CACNB2: variants seen among roughly 807,000 people sequenced by gnomAD.
CACNB2 encodes the protein calcium voltage-gated channel auxiliary subunit beta 2.
Under a neutral mutation model 73.3 loss-of-function variants are expected in CACNB2, and 42 were observed. The observed-to-expected ratio is 0.57, with a 90% CI of 0.45 to 0.74. The LOEUF (loss-of-function observed/expected upper bound fraction) is 0.74, where lower values mean the gene tolerates loss of function less well. Among genes scored for constraint, CACNB2 ranks in the 30% least tolerant of loss-of-function variants. The pLI is 0.00. For missense variants in CACNB2, 940 were observed against 853.0 expected, an observed-to-expected ratio of 1.10 and a Z score of -1.27; for synonymous variants, 348 against 310.3, an observed-to-expected ratio of 1.12 and a Z score of -1.28.
chr10:18,499,567 A>G (rs369853402), intron 4 of CACNB2, among the ~76,000 whole-genome samples: 3 of 139,232 alleles, frequency 2.2e-5, no homozygotes, highest in African/African-American at 8.0e-5. Flanking sequence ...GTGAGCCGAG[A>G]TTGCGCCACT....
intron 2 of CACNB2, among the ~76,000 whole-genome samples, chr10:18,164,273 C>A (rs916730903): frequency 3.3e-5 from 5 of 152,140 alleles, no homozygotes; most frequent in Non-Finnish European, 7.3e-5. Context: ...CCCTTTGAAC[C>A]AGTGCCACTG....
intron 2 of CACNB2, among the ~76,000 whole-genome samples, chr10:18,180,146 G>T (rs999361114): frequency 2.0e-5 from 3 of 152,116 alleles, no homozygotes; most frequent in Non-Finnish European, 4.4e-5. Context: ...AAACCTACTA[G>T]CCTCATTTGC....
intron 2 of CACNB2, among the ~76,000 whole-genome samples, chr10:18,222,048 A>C (rs2131399132): frequency 6.6e-6 from 1 of 152,344 alleles, no homozygotes; most frequent in South Asian, 2.1e-4. Context: ...CAGTGATATC[A>C]GTAGTTGCTA....
chr10:18,407,100 C>CTGT, intron 3 of CACNB2, among the ~76,000 whole-genome samples: 1 of 133,708 alleles, frequency 7.5e-6, no homozygotes, highest in Middle Eastern at 3.7e-3. Context: ...TCCAGACCTG[C>CTGT]TGTTCTGTCT....
intron 2 of CACNB2, among the ~76,000 whole-genome samples, chr10:18,212,437 G>A (rs916465099): frequency 1.3e-5 from 2 of 151,972 alleles, no homozygotes; most frequent in African/African-American, 4.8e-5. Context: ...AGTTTTATGT[G>A]TTGCAAATAT....
intron 2 of CACNB2, among the ~76,000 whole-genome samples, chr10:18,239,060 A>G (rs900734912): frequency 2.6e-5 from 4 of 152,194 alleles, no homozygotes; most frequent in Non-Finnish European, 1.5e-5. Context: ...CAGTGGGGGC[A>G]GTATTCTTTA....
At chr10:18,498,156 A>T (rs2049950337) in intron 3 of CACNB2, among the ~76,000 whole-genome samples, 199 bp from the exon 4 acceptor site, 1 of 152,230 alleles carries the variant, frequency 6.6e-6, no homozygotes, top group South Asian at 2.1e-4. Flanking sequence ...TAGTTCAGAA[A>T]TGGGTGTTAT....
intron 2 of CACNB2, among the ~76,000 whole-genome samples, chr10:18,203,591 C>A (rs936308774): frequency 6.6e-6 from 1 of 152,120 alleles, no homozygotes; most frequent in Non-Finnish European, 1.5e-5. Flanking sequence ...AACACCCACA[C>A]GTACATACAT....
chr10:18,162,387 A>G (rs960337383), intron 2 of CACNB2, among the ~76,000 whole-genome samples: 1 of 152,208 alleles, frequency 6.6e-6, no homozygotes, highest in Non-Finnish European at 1.5e-5. Context: ...GTCAGGAAAA[A>G]AAAAAATCGA....
intron 10 of CACNB2, 78 bp downstream of exon 10, chr10:18,527,775 T>C (rs2052625482): frequency 3.3e-6 from 3 of 908,274 alleles, no homozygotes; most frequent in South Asian, 2.7e-5. Flanking sequence ...AACAAGATGA[T>C]AATTCCATGT....
intron 2 of CACNB2, among the ~76,000 whole-genome samples, chr10:18,201,807 A>G (rs2034894465): frequency 6.6e-6 from 1 of 152,152 alleles, no homozygotes; most frequent in Non-Finnish European, 1.5e-5. Flanking sequence ...ACCAGAATGT[A>G]TTCCTCTCAT....
chr10:18,371,395 C>T (rs994485359), intron 2 of CACNB2, among the ~76,000 whole-genome samples: 2 of 152,048 alleles, frequency 1.3e-5, no homozygotes, highest in African/African-American at 2.4e-5. Context: ...GTGTGATGTT[C>T]CCCTTCCTGT....
intron 2 of CACNB2, among the ~76,000 whole-genome samples, chr10:18,227,955 G>C (rs1051413226): frequency 1.3e-5 from 2 of 152,160 alleles, no homozygotes; most frequent in Admixed American, 6.5e-5. Flanking sequence ...AGAGTGAGAA[G>C]ATGCTAGTGC....
At chr10:18,434,193 T>C (rs924180224) in intron 3 of CACNB2, among the ~76,000 whole-genome samples, 7 of 152,196 alleles carry the variant, frequency 4.6e-5, no homozygotes, top group Non-Finnish European at 8.8e-5. Flanking sequence ...TATGGTATGA[T>C]TTTAAAGATC....
chr10:18,399,357 C>T (rs1230307904), intron 2 of CACNB2, among the ~76,000 whole-genome samples: 2 of 152,166 alleles, frequency 1.3e-5, no homozygotes, highest in East Asian at 3.8e-4. Flanking sequence ...TTTTATCCCC[C>T]ATGCATTTTA....
At chr10:18,251,831 C>T (rs2037103568) in intron 2 of CACNB2, among the ~76,000 whole-genome samples, 1 of 152,094 alleles carries the variant, frequency 6.6e-6, no homozygotes, top group African/African-American at 2.4e-5. Context: ...CTCGTGAGAA[C>T]TCACTATCAC....
At chr10:18,475,898 G>C (rs1433635509) in intron 3 of CACNB2, among the ~76,000 whole-genome samples, 1 of 152,172 alleles carries the variant, frequency 6.6e-6, no homozygotes, top group African/African-American at 2.4e-5. Context: ...TCCCAATACA[G>C]ACCCTGAGAG....
intron 3 of CACNB2, among the ~76,000 whole-genome samples, chr10:18,493,573 G>A (rs2049594143): frequency 6.6e-6 from 1 of 152,064 alleles, no homozygotes; most frequent in Non-Finnish European, 1.5e-5. Context: ...ATACTAGCCT[G>A]GCCTGGTGCA....
At chr10:18,419,404 A>G (rs2045194764) in intron 3 of CACNB2, among the ~76,000 whole-genome samples, 1 of 152,192 alleles carries the variant, frequency 6.6e-6, no homozygotes, top group East Asian at 1.9e-4. Context: ...GTACACAACC[A>G]TTCTCTTCAA....
Sources: allele counts gnomAD v4.1 joint callset (sites outside exome capture counted in the v4.1 genomes callset), GRCh38; gene constraint gnomAD v4.1.1; transcripts MANE v1.5; gene names NCBI Gene and HGNC (gene_info 2026-07-23, HGNC 2026-07-21).